The following SIT1 variants were observed in gnomAD, a reference collection of about 807,000 sequenced individuals.
SIT1 encodes the protein signaling threshold regulating transmembrane adaptor 1, also known as signaling threshold-regulating transmembrane adapter 1.
A neutral mutation model predicts 23.5 loss-of-function variants in SIT1; 19 were observed. The observed-to-expected ratio is 0.81, with a 90% CI of 0.56 to 1.19. The LOEUF (loss-of-function observed/expected upper bound fraction) is 1.19. Among genes scored for constraint, SIT1 ranks in the 50% most tolerant of loss-of-function variants. The pLI is 0.00. For synonymous variants in SIT1, 114 were observed against 109.1 expected, an observed-to-expected ratio of 1.04 and a Z score of -0.28; for missense variants, 213 against 254.9, an observed-to-expected ratio of 0.84 and a Z score of 1.12.
In SIT1 at chr9:35,650,461, G is replaced by C. The variant is rs2297880; in HGVS notation, c.236+41C>G. On this transcript the variant is annotated intron_variant, in intron 2 of 4. Transcript: ENST00000259608. The surrounding 1 kb of genome is among the most constrained non-coding windows in gnomAD (Gnocchi z 4.8). ...GATGAGTGGGGACTTCTCGGTAAGA[G>C]AGAACTCTCAGTCAACCCATCCCTG... 1 of 1,613,538 alleles carries C rather than the reference G, an allele frequency of 6.2e-7. No homozygotes were observed. The highest frequency in any genetic ancestry group is 8.5e-7 in the Non-Finnish European group (1 of 1,179,786).
At position 35,649,902 on chromosome 9, in the gene SIT1, G is replaced by A; in HGVS notation, c.537C>T (p.Ala179=). 6 of 1,584,736 alleles carry A rather than the reference G, an allele frequency of 3.8e-6. No homozygotes were observed. Among genetic ancestry groups the A allele is most frequent in the South Asian group, 1.2e-5 (1 of 86,670 alleles). ...YASVCAQTRR[A]RASFPDQAYA... ...AGGCCTGATCCGGGAAGGAGGCCCGGGCCCTGCGGGTCTGGGCACATACTG... is the reference window on the plus strand; with the variant it reads ...AGGCCTGATCCGGGAAGGAGGCCCGAGCCCTGCGGGTCTGGGCACATACTG... Residue 179 remains alanine (A), a synonymous_variant, in exon 5 of 5, where the codon GCC becomes GCT. Coordinates refer to ENST00000259608, the MANE Select transcript of SIT1 (RefSeq NM_014450.3).
In SIT1 at chr9:35,650,581, G is replaced by A. The variant is rs770793440; in HGVS notation, c.157C>T (p.Leu53=). ...GCAGCCAGCGAGATGAGAAATAGCA[G>A]CGTCACAGCCCCTAAGAGGACCCAC... ...GLWVLLGAVT[L]LFLISLAAHL... is the part of the protein sequence containing the mutation. The change falls in exon 2 of 5, where the codon CTG becomes TTG. Residue 53 remains leucine (L), a synonymous_variant. Transcript: ENST00000259608. This position sits in a 1 kb window ranked among gnomAD's most constrained non-coding sequence, Gnocchi z 4.8. 2 of 1,613,822 alleles carry A rather than the reference G, an allele frequency of 1.2e-6. No homozygotes were observed. The highest frequency in any genetic ancestry group is 1.7e-6 in the Non-Finnish European group (2 of 1,180,010).
Position 35,649,864 on chromosome 9 carries a change from T to A in SIT1, c.575A>T (p.Gln192Leu). The change falls in exon 5 of 5, where the codon CAG becomes CTG. Residue 192 changes from glutamine (Q) to leucine (L), a missense_variant. Physicochemically the swap from Gln to Leu is moderately radical, Grantham distance 113. Transcript: ENST00000259608. ...SFPDQAYANS[Q>L]PAAS ...CCCTCCATCTCAGCTGGCTGCAGGC[T>A]GGCTGTTGGCATAGGCCTGATCCGG... The A allele has an allele frequency of 3.2e-6, 5 of 1,550,830 alleles. No individual in the cohort carries two copies. The highest frequency in any genetic ancestry group is 4.4e-6 in the Non-Finnish European group (5 of 1,143,894).
rs367993416 is a variant in SIT1, at chr9:35,650,718, C to T, written c.100+36G>A. The T allele has an allele frequency of 1.9e-6, 3 of 1,610,840 alleles. No homozygotes were observed. The highest frequency in any genetic ancestry group is 3.3e-5 in the Admixed American group (2 of 59,920). On this transcript the variant is annotated intron_variant, in intron 1 of 4. Coordinates refer to ENST00000259608, the MANE Select transcript of SIT1 (RefSeq NM_014450.3). The surrounding 1 kb of genome is among the most constrained non-coding windows in gnomAD (Gnocchi z 4.8). ...GCAGGTGGGACCTGGGGCCACATGACCCCTCCCCCACCAGCCCCTGCCCTG... is the reference window on the plus strand; with the variant it reads ...GCAGGTGGGACCTGGGGCCACATGATCCCTCCCCCACCAGCCCCTGCCCTG...
At position 35,650,920 on chromosome 9, in the gene SIT1, A is replaced by C. The variant is rs1823465792; in HGVS notation, c.-67T>G. 7 of 1,201,160 alleles carry C rather than the reference A, an allele frequency of 5.8e-6. No homozygotes were observed. Among genetic ancestry groups the C allele is most frequent in the Non-Finnish European group, 7.2e-6 (6 of 827,632 alleles). The allele number at this position is 1,201,160 out of a possible 1,614,324, so 74.4% of individuals were successfully genotyped here. On this transcript the variant is annotated 5_prime_UTR_variant, in exon 1 of 5. The change abolishes an upstream ATG in the 5' untranslated region. Transcript: ENST00000259608. The surrounding 1 kb of genome is among the most constrained non-coding windows in gnomAD (Gnocchi z 4.8). ...TCAGGCCCGTACCCCGCAGCTCAGCATCCCCAATACTGGTGGTGGCAAAGT... is the reference window on the plus strand; with the variant it reads ...TCAGGCCCGTACCCCGCAGCTCAGCCTCCCCAATACTGGTGGTGGCAAAGT...
At position 35,650,633 on chromosome 9, in the gene SIT1, G is replaced by T. The variant is rs1823459084; in HGVS notation, c.105C>A (p.Ile35=). Residue 35 remains isoleucine (I), a synonymous_variant, in exon 2 of 5, where the codon ATC becomes ATA. Coordinates refer to ENST00000259608, the MANE Select transcript of SIT1 (RefSeq NM_014450.3). The surrounding 1 kb of genome is among the most constrained non-coding windows in gnomAD (Gnocchi z 4.8). ...GTCCCCAGGCCTGGGTTATGGAGGG[G>T]ATTCCTGTGGATGTGAAAGGAAGGG... ...DNCTDLLALG[I]PSITQAWGLW... is the part of the protein sequence containing the mutation. The T allele has an allele frequency of 1.2e-6, 2 of 1,613,524 alleles. No homozygotes were observed. The highest frequency in any genetic ancestry group is 1.7e-5 in the Admixed American group (1 of 59,998).
chr9:35,650,119 C>T lies in SIT1; in HGVS notation c.358-38G>A, dbSNP rs367592520. On this transcript the variant is annotated intron_variant, in intron 4 of 4. Coordinates refer to ENST00000259608, the MANE Select transcript of SIT1 (RefSeq NM_014450.3). The surrounding 1 kb of genome is among the most constrained non-coding windows in gnomAD (Gnocchi z 4.8). ...GGCTGTTAGAAGTTCACTGGACCCTCGGAAAAGCCCGAAAAGCCCCCCACT... is the reference window on the plus strand; with the variant it reads ...GGCTGTTAGAAGTTCACTGGACCCTTGGAAAAGCCCGAAAAGCCCCCCACT... 2.3e-4 allele frequency: 365 copies of T among 1,612,294 alleles called. No homozygotes were observed. The highest frequency in any genetic ancestry group is 2.9e-4 in the Non-Finnish European group (346 of 1,178,652).
At position 35,649,635 on chromosome 9, in the gene SIT1, A is replaced by C; in HGVS notation, c.*213T>G. The C allele has an allele frequency of 2.2e-6, 1 of 449,572 alleles. No homozygotes were observed. 27.8% of individuals were successfully genotyped at this position (449,572 alleles called of 1,614,324 possible). ...GGGGCTAAGAGGAACAGATAGAAAA[A>C]AGAAATAAGGAGGGGGCTACTGTCT... On this transcript the variant is annotated 3_prime_UTR_variant, in exon 5 of 5. Coordinates refer to ENST00000259608, the MANE Select transcript of SIT1 (RefSeq NM_014450.3).
chr9:35,650,805 T>C lies in SIT1; in HGVS notation c.49A>G (p.Thr17Ala). The change falls in exon 1 of 5, where the codon ACA (threonine) becomes GCA (alanine). Residue 17 changes from threonine to alanine, a missense_variant. Thr to Ala is a moderately conservative substitution (Grantham distance 58, BLOSUM62 0). Transcript: ENST00000259608. The surrounding 1 kb of genome is among the most constrained non-coding windows in gnomAD (Gnocchi z 4.8). Reference sequence around the variant, plus strand: ...TCGCCTCTGCTCATGGCTGCAGATGTGAGAGTCCACAAGCACACTGCTCTG... The same window carrying C: ...TCGCCTCTGCTCATGGCTGCAGATGCGAGAGTCCACAAGCACACTGCTCTG... ...RLRAVCLWTL[T>A]SAAMSRGDNC... 6.2e-7 allele frequency: 1 copy of C among 1,613,682 alleles called. No individual in the cohort carries two copies. The highest frequency in any genetic ancestry group is 1.1e-5 in the South Asian group (1 of 91,020).
At position 35,649,873 on chromosome 9, in the gene SIT1, G is replaced by A; in HGVS notation, c.566C>T (p.Ala189Val). ...ARASFPDQAY[A>V]NSQPAAS Reference sequence around the variant, plus strand: ...TCAGCTGGCTGCAGGCTGGCTGTTGGCATAGGCCTGATCCGGGAAGGAGGC... The same window carrying A: ...TCAGCTGGCTGCAGGCTGGCTGTTGACATAGGCCTGATCCGGGAAGGAGGC... Residue 189 changes from alanine (A) to valine (V), a missense_variant, in exon 5 of 5, where the codon GCC becomes GTC. Coordinates refer to ENST00000259608, the MANE Select transcript of SIT1 (RefSeq NM_014450.3). The A allele has an allele frequency of 5.1e-6, 8 of 1,567,624 alleles. No individual in the cohort carries two copies. Among genetic ancestry groups the A allele is most frequent in the Non-Finnish European group, 6.1e-6 (7 of 1,155,456 alleles).
chr9:35,649,607 T>C lies in SIT1; in HGVS notation c.*241A>G, dbSNP rs914358065. 9.9e-6 allele frequency: 4 copies of C among 405,626 alleles called. No homozygotes were observed. Among genetic ancestry groups the C allele is most frequent in the Non-Finnish European group, 1.8e-5 (4 of 227,962 alleles). 25.1% of individuals were successfully genotyped at this position (405,626 alleles called of 1,614,324 possible). ...AAGAAGGAAGTGAGAACCTGGGAGT[T>C]TGGGGGCTAAGAGGAACAGATAGAA... is the stretch of plus-strand genomic sequence containing the variant. On this transcript the variant is annotated 3_prime_UTR_variant, in exon 5 of 5. Transcript: ENST00000259608.
rs1823458158 is a variant in SIT1 at position 35,650,557 on chromosome 9, C to CA, written c.180dup (p.Ala61CysfsTer96). The CA allele has an allele frequency of 6.2e-7, 1 of 1,613,846 alleles. No homozygotes were observed. Among genetic ancestry groups the CA allele is most frequent in the Non-Finnish European group, 8.5e-7 (1 of 1,180,026 alleles). On this transcript the variant is annotated frameshift_variant, in exon 2 of 5. Transcript: ENST00000259608. LOFTEE classifies it high-confidence loss of function. This position sits in a 1 kb window ranked among gnomAD's most constrained non-coding sequence, Gnocchi z 4.8. ...CCCCTGGTCCACTGGGACAAGTGTG[C>CA]AGCCAGCGAGATGAGAAATAGCAGC...
chr9:35,650,604 C>T lies in SIT1; in HGVS notation c.134G>A (p.Trp45Ter). 1 of 1,613,786 alleles carries T rather than the reference C, an allele frequency of 6.2e-7. No homozygotes were observed. Among genetic ancestry groups the T allele is most frequent in the Non-Finnish European group, 8.5e-7 (1 of 1,180,018 alleles). ...CAGCGTCACAGCCCCTAAGAGGACC[C>T]ACAGTCCCCAGGCCTGGGTTATGGA... ...IPSITQAWGL[W>*]VLLGAVTLLF... Residue 45 changes from tryptophan (W) to a stop codon, truncating the protein, a stop_gained, in exon 2 of 5, where the codon TGG (tryptophan) becomes TAG (stop). Coordinates refer to ENST00000259608, the MANE Select transcript of SIT1 (RefSeq NM_014450.3). LOFTEE classifies it high-confidence loss of function. This position sits in a 1 kb window ranked among gnomAD's most constrained non-coding sequence, Gnocchi z 4.8.
Position 35,649,947 on chromosome 9 carries a change from G to A in SIT1, c.492C>T (p.Pro164=), listed in dbSNP as rs773458454. 7.6e-6 allele frequency: 12 copies of A among 1,582,734 alleles called. No individual in the cohort carries two copies. The East Asian group carries it at 1.4e-4, about 18-fold the overall frequency. Residue 164 remains proline, a synonymous_variant, in exon 5 of 5, where the codon CCC becomes CCT. Coordinates refer to ENST00000259608, the MANE Select transcript of SIT1 (RefSeq NM_014450.3). ...DSEPKSQASG[P]EPELYASVCA... The stretch of plus-strand genomic sequence containing the variant: ...ATACTGAGGCATAGAGCTCCGGCTC[G>A]GGGCCCGAGGCCTGGGACTTTGGCT...
In SIT1 at chr9:35,649,932, A is replaced by G. The variant is rs1292797140; in HGVS notation, c.507T>C (p.Tyr169=). Residue 169 remains tyrosine, a synonymous_variant, in exon 5 of 5, where the codon TAT becomes TAC. Coordinates refer to ENST00000259608, the MANE Select transcript of SIT1 (RefSeq NM_014450.3). ...SQASGPEPEL[Y]ASVCAQTRRA... ...TGCGGGTCTGGGCACATACTGAGGC[A>G]TAGAGCTCCGGCTCGGGGCCCGAGG... 5 of 1,586,276 alleles carry G rather than the reference A, an allele frequency of 3.2e-6. No individual in the cohort carries two copies. Among genetic ancestry groups the G allele is most frequent in the Admixed American group, 1.8e-5 (1 of 54,796 alleles).
rs896603843 is a variant in SIT1, at chr9:35,649,477, C to A, written c.*371G>T. ...ATATACCCACCCACCCACTGTCAGG[C>A]CCTTACCCCTCCCCCACCGCCCACT... On this transcript the variant is annotated 3_prime_UTR_variant, in exon 5 of 5. Coordinates refer to ENST00000259608, the MANE Select transcript of SIT1 (RefSeq NM_014450.3). The A allele has an allele frequency of 5.2e-5, 10 of 191,280 alleles. No individual in the cohort carries two copies. Among genetic ancestry groups the A allele is most frequent in the African/African-American group, 2.3e-5 (1 of 42,772 alleles). 11.8% of individuals were successfully genotyped at this position (191,280 alleles called of 1,614,324 possible). A position where few individuals can be genotyped will look rare whatever the true frequency, so the allele number is the denominator to read the frequency against.
Position 35,650,686 on chromosome 9 carries a change from G to A in SIT1, c.101-49C>T. The A allele has an allele frequency of 6.2e-7, 1 of 1,611,598 alleles. No individual in the cohort carries two copies. The highest frequency in any genetic ancestry group is 8.5e-7 in the Non-Finnish European group (1 of 1,178,690). ...GTGTAACAGCCCCGCCCCACCCCCA[G>A]GGCCCAGCAGGTGGGACCTGGGGCC... On this transcript the variant is annotated intron_variant, in intron 1 of 4. Coordinates refer to ENST00000259608, the MANE Select transcript of SIT1 (RefSeq NM_014450.3). The surrounding 1 kb of genome is among the most constrained non-coding windows in gnomAD (Gnocchi z 4.8).
rs1456525585 is a variant in SIT1, at chr9:35,650,331, GC to G, written c.295+25del. On this transcript the variant is annotated intron_variant, in intron 3 of 4. Coordinates refer to ENST00000259608, the MANE Select transcript of SIT1 (RefSeq NM_014450.3). This position sits in a 1 kb window ranked among gnomAD's most constrained non-coding sequence, Gnocchi z 4.8. ...CAGCCACCCAGGACCTGGCCTCTGT[GC>G]CCCTCCTCTCTGCCAGCTCCCTACC... is the stretch of plus-strand genomic sequence containing the variant. 7 of 1,613,742 alleles carry G rather than the reference GC, an allele frequency of 4.3e-6. No individual in the cohort carries two copies. The highest frequency in any genetic ancestry group is 5.9e-6 in the Non-Finnish European group (7 of 1,179,710).
At position 35,649,881 on chromosome 9, in the gene SIT1, C is replaced by T. The variant is rs748252279; in HGVS notation, c.558G>A (p.Gln186=). The change falls in exon 5 of 5, where the codon CAG becomes CAA. Residue 186 remains glutamine (Q), a synonymous_variant. Transcript: ENST00000259608. ...CTGCAGGCTGGCTGTTGGCATAGGCCTGATCCGGGAAGGAGGCCCGGGCCC... is the reference window on the plus strand; with the variant it reads ...CTGCAGGCTGGCTGTTGGCATAGGCTTGATCCGGGAAGGAGGCCCGGGCCC... ...TRRARASFPD[Q]AYANSQPAAS is the part of the protein sequence containing the mutation. 2.7e-5 allele frequency: 43 copies of T among 1,576,526 alleles called. 1 individual carries two copies. In the South Asian group the frequency reaches 4.7e-4, roughly 17 times the overall value.
Sources: allele counts gnomAD v4.1 joint callset, GRCh38; gene constraint gnomAD v4.1.1; non-coding constraint Gnocchi (gnomAD v3.1); transcripts MANE v1.5; gene names NCBI Gene and HGNC (gene_info 2026-07-23, HGNC 2026-07-21).